Variants in KCNG2 observed in about 807,000 individuals in gnomAD.
The protein encoded by KCNG2 is potassium voltage-gated channel modifier subfamily G member 2, also known as voltage-gated potassium channel regulatory subunit KCNG2.
A neutral mutation model predicts 12.3 loss-of-function variants in KCNG2; 7 were observed. The ratio of observed to expected loss-of-function variants is 0.57; its 90% CI spans 0.32 to 1.07. The LOEUF (loss-of-function observed/expected upper bound fraction) is 1.07. Ranked by LOEUF, KCNG2 falls within the 50% of genes least tolerant of loss-of-function variation. The pLI is 0.04. For missense variants in KCNG2, 703 were observed against 726.0 expected (o/e 0.97, Z 0.36); for synonymous variants, 414 against 351.4 (o/e 1.18, Z -1.99).
At chr18:79,863,547 C>A (rs971438938) in intron 2 of KCNG2, 81 bp from the exon 3 acceptor site, 213 of 1,070,404 alleles carry the variant, frequency 2.0e-4, no homozygotes, top group Non-Finnish European at 2.3e-4. Context: ...TCGGTGCCGG[C>A]CCGGCCCCTG....
At chr18:79,898,893 C>T in intron 3 of KCNG2, 147 bp from the exon 4 acceptor site, 3 of 575,242 alleles carry the variant, frequency 5.2e-6, no homozygotes, top group Non-Finnish European at 8.8e-6. Flanking sequence ...GGAACTGGGC[C>T]TGTCAATATC....
rs559869791 is a variant in KCNG2 at position 79,822,718 on chromosome 18, C to T, written c.-115+24704C>T. 3.9e-5 allele frequency among the ~76,000 whole-genome samples: 6 copies of T among 152,318 alleles called. No individual in the cohort carries two copies. The South Asian group carries it at 6.2e-4, about 16-fold the overall frequency. On this transcript the variant is annotated intron_variant, in intron 1 of 3. Transcript: ENST00000316249. This position sits in a 1 kb window ranked among gnomAD's most constrained non-coding sequence, Gnocchi z 4.4. ...GTGCTGAGATCACAGGTGTGAGCAC[C>T]GTGCTGGGCCTTCAAACGTGTGCTG...
intron 1 of KCNG2, among the ~76,000 whole-genome samples, chr18:79,830,199 C>T (rs1343760512): frequency 6.6e-6 from 1 of 152,152 alleles, no homozygotes; most frequent in Non-Finnish European, 1.5e-5. Flanking sequence ...CGAATCGTGT[C>T]CATCTGCTAA....
intron 1 of KCNG2, among the ~76,000 whole-genome samples, chr18:79,812,987 C>T (rs1326599285): frequency 6.6e-6 from 1 of 152,130 alleles, no homozygotes; most frequent in East Asian, 1.9e-4. Flanking sequence ...GAAACCTCAT[C>T]TCTCCTAAAA....
intron 1 of KCNG2, among the ~76,000 whole-genome samples, chr18:79,841,260 G>A (rs1436435055): frequency 6.6e-6 from 1 of 152,088 alleles, no homozygotes; most frequent in South Asian, 2.1e-4. Context: ...CCATTGCACT[G>A]GTGTTGCCTG....
intron 3 of KCNG2, among the ~76,000 whole-genome samples, chr18:79,872,459 T>G (rs1979887281): frequency 6.6e-6 from 1 of 152,104 alleles, no homozygotes; most frequent in African/African-American, 2.4e-5. Flanking sequence ...AATTTTTGTG[T>G]ATTTTTAGTA....
intron 1 of KCNG2, among the ~76,000 whole-genome samples, chr18:79,807,515 G>C (rs899417392): frequency 3.9e-5 from 6 of 152,182 alleles, no homozygotes; most frequent in Non-Finnish European, 7.3e-5. Context: ...CTCTGCGCTC[G>C]TGCATTCACT....
chr18:79,890,937 T>C (rs1980723204), intron 3 of KCNG2, among the ~76,000 whole-genome samples: 1 of 107,842 alleles, frequency 9.3e-6, no homozygotes, highest in Admixed American at 8.8e-5. Flanking sequence ...TTCTAGTCAA[T>C]GGAATTTTCT....
At chr18:79,892,909 T>C (rs148095402) in intron 3 of KCNG2, among the ~76,000 whole-genome samples, 4 of 151,164 alleles carry the variant, frequency 2.6e-5, no homozygotes, top group South Asian at 2.1e-4. Context: ...ATTGATATAG[T>C]TGGGTCTGTC....
At chr18:79,826,490 G>C (rs1465538701) in intron 1 of KCNG2, among the ~76,000 whole-genome samples, 4 of 151,146 alleles carry the variant, frequency 2.6e-5, no homozygotes, top group Non-Finnish European at 5.9e-5. Context: ...TGAGTGAGCA[G>C]CTCCTCACGG....
At chr18:79,801,069 G>A (rs1488417120) in intron 1 of KCNG2, among the ~76,000 whole-genome samples, 1 of 152,228 alleles carries the variant, frequency 6.6e-6, no homozygotes, top group Non-Finnish European at 1.5e-5. Context: ...GCGGCCAAGA[G>A]ATGCCGGGCA....
chr18:79,875,097 C>G (rs920698796), intron 3 of KCNG2, among the ~76,000 whole-genome samples: 1 of 152,190 alleles, frequency 6.6e-6, no homozygotes, highest in African/African-American at 2.4e-5. Flanking sequence ...AGAATCTCTT[C>G]GCCAGGGTGG....
chr18:79,829,125 T>C (rs1978289239), intron 1 of KCNG2, among the ~76,000 whole-genome samples: 1 of 144,044 alleles, frequency 6.9e-6, no homozygotes, highest in African/African-American at 2.6e-5. Flanking sequence ...CCATGATGTG[T>C]GCATGTGTCT....
chr18:79,899,049 TCCC>T lies in KCNG2; in HGVS notation c.637_639del (p.Pro213del), dbSNP rs1185625083. 1.9e-6 allele frequency: 3 copies of T among 1,562,594 alleles called. No individual in the cohort carries two copies. Among genetic ancestry groups the T allele is most frequent in the South Asian group, 1.2e-5 (1 of 85,624 alleles). ...TCCCCTCTCCCCGCAGGGCGAGTGC[TCCC>T]CCAAGTGCCGCAGCCTGTTCGTGCT... On this transcript the variant is annotated inframe_deletion, in exon 4 of 4. Transcript: ENST00000316249.
chr18:79,864,330 T>TGGGGC lies in KCNG2; in HGVS notation c.624+40_624+44dup, dbSNP rs770507493. ...GGGGTGGCGGGGACCGGGCCGGAGCTGGGGCTGGGCTGGGATCTGGGCTGC... is the reference window on the plus strand; with the variant it reads ...GGGGTGGCGGGGACCGGGCCGGAGCTGGGGCGGGGCTGGGCTGGGATCTGGGCTGC... On this transcript the variant is annotated intron_variant, in intron 3 of 3. Coordinates refer to ENST00000316249, the MANE Select transcript of KCNG2 (RefSeq NM_012283.2). The TGGGGC allele has an allele frequency of 2.5e-5, 14 of 561,578 alleles. No individual in the cohort carries two copies. In the South Asian group the frequency reaches 3.1e-4, roughly 13 times the overall value. 34.8% of individuals were successfully genotyped at this position (561,578 alleles called of 1,614,324 possible).
intron 1 of KCNG2, among the ~76,000 whole-genome samples, chr18:79,820,873 C>G (rs1432055434): frequency 6.6e-6 from 1 of 152,124 alleles, no homozygotes; most frequent in Non-Finnish European, 1.5e-5. Flanking sequence ...ATCTCAAACT[C>G]TTGGACTCAA....
At chr18:79,798,377 C>T (rs2087380261) in intron 1 of KCNG2, among the ~76,000 whole-genome samples, 1 of 152,096 alleles carries the variant, frequency 6.6e-6, no homozygotes. Flanking sequence ...TCGCGCTGGT[C>T]CTGCGGGAGC....
In KCNG2 at chr18:79,899,396, G is replaced by C. The variant is rs1026443958; in HGVS notation, c.981G>C (p.Leu327=). 5.1e-6 allele frequency: 8 copies of C among 1,577,518 alleles called. No individual in the cohort carries two copies. Among genetic ancestry groups the C allele is most frequent in the Admixed American group, 3.6e-5 (2 of 55,918 alleles). ...CGCGCGAGTTCGGGCTGCTGCTGCT[G>C]TTCCTCTGCGTGGCCATGGCGCTCT... ...RCAREFGLLL[L]FLCVAMALFA... The change falls in exon 4 of 4, where the codon CTG becomes CTC. Residue 327 remains leucine, a synonymous_variant. Transcript: ENST00000316249.
intron 1 of KCNG2, among the ~76,000 whole-genome samples, chr18:79,823,389 C>T (rs904637593): frequency 8.5e-5 from 13 of 152,150 alleles, no homozygotes; most frequent in Non-Finnish European, 1.0e-4. Context: ...ATTAGCCAGC[C>T]GGATGTTGCC....
Sources: allele counts gnomAD v4.1 joint callset (sites outside exome capture counted in the v4.1 genomes callset), GRCh38; gene constraint gnomAD v4.1.1; non-coding constraint Gnocchi (gnomAD v3.1); transcripts MANE v1.5; gene names NCBI Gene and HGNC (gene_info 2026-07-23, HGNC 2026-07-21).